Variants in SYNE2 observed in about 807,000 individuals in gnomAD.
SYNE2 encodes spectrin repeat containing nuclear envelope protein 2.
Under a neutral mutation model 856.3 loss-of-function variants are expected in SYNE2, and 431 were observed. The ratio of observed to expected loss-of-function variants is 0.50; its 90% CI spans 0.47 to 0.55. SYNE2 has a LOEUF of 0.55. SYNE2 is among the 20% of genes least tolerant of loss of function. The pLI is 0.00. For synonymous variants in SYNE2, 2,923 were observed against 2,872.3 expected, an observed-to-expected ratio of 1.02 and a Z score of -0.56; for missense variants, 8,129 against 8,023.2, an observed-to-expected ratio of 1.01 and a Z score of -0.50.
intron 45 of SYNE2, among the ~76,000 whole-genome samples, chr14:64,033,831 T>C (rs1005866659): frequency 6.6e-6 from 1 of 152,202 alleles, no homozygotes; most frequent in Non-Finnish European, 1.5e-5. Flanking sequence ...TCAGGGCAAA[T>C]GGAGGAATTG....
chr14:64,200,659 C>T (rs2098557956), intron 99 of SYNE2, among the ~76,000 whole-genome samples: 1 of 152,194 alleles, frequency 6.6e-6, no homozygotes. Flanking sequence ...GGGAACGTAT[C>T]CTTGTGGTGT....
chr14:63,985,048 G>A (rs1213743717), intron 18 of SYNE2, among the ~76,000 whole-genome samples: 1 of 152,164 alleles, frequency 6.6e-6, no homozygotes, highest in African/African-American at 2.4e-5. Flanking sequence ...CTTTCAGAAT[G>A]TATCTTTCGG....
intron 8 of SYNE2, among the ~76,000 whole-genome samples, chr14:63,957,704 C>G (rs2096258346): frequency 6.6e-6 from 1 of 152,042 alleles, no homozygotes; most frequent in Admixed American, 6.5e-5. Flanking sequence ...CCTATCTCTA[C>G]TAAAAATACA....
rs542516468 is a variant in SYNE2, at chr14:63,984,270, G to C, written c.2151+384G>C. Among the ~76,000 whole-genome samples, 5 of 152,282 alleles carry C rather than the reference G, an allele frequency of 3.3e-5. No individual in the cohort carries two copies. In the East Asian group the frequency reaches 7.7e-4, roughly 23 times the overall value. ...AAAAAAAGAAAGAAAAGATATTGTT[G>C]AGTTGGTGGTAAATGTGTGGATTGC... On this transcript the variant is annotated intron_variant, in intron 18 of 115. Transcript: ENST00000555002.
At chr14:64,161,406 A>G (rs1231485014) in intron 87 of SYNE2, among the ~76,000 whole-genome samples, 3 of 152,176 alleles carry the variant, frequency 2.0e-5, no homozygotes, top group African/African-American at 7.2e-5. Flanking sequence ...GAATAATAAA[A>G]CAATTTCCTT....
chr14:64,080,553 A>G lies in SYNE2; in HGVS notation c.11261A>G (p.Glu3754Gly), dbSNP rs1281219579. The G allele has an allele frequency of 6.2e-6, 10 of 1,614,220 alleles. No homozygotes were observed. Among genetic ancestry groups the G allele is most frequent in the Middle Eastern group, 3.3e-4 (2 of 6,062 alleles). Residue 3754 changes from glutamate (E) to glycine (G), a missense_variant, in exon 56 of 116, where the codon GAA becomes GGA. Transcript: ENST00000555002. ...GAACAGGACCCAGGACAGGCTCAAG[A>G]ATGGATGGATAACTTGATGATTCCT... ...IVEQDPGQAQ[E>G]WMDNLMIPFQ...
intron 1 of SYNE2, among the ~76,000 whole-genome samples, chr14:63,799,524 C>G (rs1414550404): frequency 3.3e-5 from 5 of 151,136 alleles, no homozygotes; most frequent in African/African-American, 1.2e-4. Context: ...AACCCCGTCT[C>G]TACTAAAAAA....
intron 1 of SYNE2, among the ~76,000 whole-genome samples, chr14:63,791,213 C>T (rs991800785): frequency 7.2e-5 from 11 of 152,064 alleles, no homozygotes; most frequent in African/African-American, 1.9e-4. Context: ...CTGCCTGTCT[C>T]GGCCTCCCAA....
intron 68 of SYNE2, 28 bp downstream of exon 68, chr14:64,121,089 G>T: frequency 6.2e-7 from 1 of 1,613,560 alleles, no homozygotes; most frequent in Non-Finnish European, 8.5e-7. Flanking sequence ...CAGTTGTAGG[G>T]ACTAGAATAT....
chr14:64,193,082 G>T (rs1364146847), intron 99 of SYNE2, among the ~76,000 whole-genome samples: 2 of 152,176 alleles, frequency 1.3e-5, no homozygotes, highest in African/African-American at 2.4e-5. Flanking sequence ...GGAAGGGAAG[G>T]GTTGGAAGCA....
At position 64,031,342 on chromosome 14, in the gene SYNE2, C is replaced by T. The variant is rs1254439970; in HGVS notation, c.7206C>T (p.Asp2402=). Residue 2402 remains aspartate (D), a synonymous_variant, in exon 45 of 116, where the codon GAC becomes GAT. Transcript: ENST00000555002. ...CTGCAGTGGAAAAGTTGGAGGAAGA[C>T]TGGGAAATAAACAAGGTAAGTGCTT... ...ESAAVEKLEE[D]WEINKDSAVE... is the part of the protein sequence containing the mutation. 6.2e-7 allele frequency: 1 copy of T among 1,613,992 alleles called. No homozygotes were observed. Among genetic ancestry groups the T allele is most frequent in the Middle Eastern group, 1.6e-4 (1 of 6,062 alleles).
At position 64,051,640 on chromosome 14, in the gene SYNE2, A is replaced by T. The variant is rs754276862; in HGVS notation, c.7727A>T (p.Asn2576Ile). 5.0e-6 allele frequency: 8 copies of T among 1,614,094 alleles called. No homozygotes were observed. Among genetic ancestry groups the T allele is most frequent in the Non-Finnish European group, 6.8e-6 (8 of 1,180,020 alleles). Residue 2576 changes from asparagine to isoleucine, a missense_variant, in exon 48 of 116, where the codon AAC (asparagine) becomes ATC (isoleucine). Coordinates refer to ENST00000555002, the MANE Select transcript of SYNE2 (RefSeq NM_182914.3). ...SIEKEKDSLG[N>I]LKIKWENLSN... is the part of the protein sequence containing the mutation. ...GAAAAAGAGAAAGATTCTTTAGGCA[A>T]CTTGAAAATCAAATGGGAGAATTTA...
intron 96 of SYNE2, among the ~76,000 whole-genome samples, chr14:64,180,321 C>T (rs1454400435): frequency 1.3e-5 from 2 of 152,146 alleles, no homozygotes; most frequent in Non-Finnish European, 2.9e-5. Flanking sequence ...GGTCTTTGAT[C>T]TTCCGTAACT....
chr14:64,224,559 C>T lies in SYNE2; in HGVS notation c.20469+12C>T. On this transcript the variant is annotated intron_variant, in intron 114 of 115. Coordinates refer to ENST00000555002, the MANE Select transcript of SYNE2 (RefSeq NM_182914.3). ...CTCCCCGAGCAAAGGTAAGAAGCCC[C>T]TTCCTTCTGTGAGAACCTCACTGGT... 1 of 1,613,990 alleles carries T rather than the reference C, an allele frequency of 6.2e-7. No individual in the cohort carries two copies. The highest frequency in any genetic ancestry group is 1.1e-5 in the South Asian group (1 of 91,076).
chr14:64,186,791 G>A (rs1184734092), intron 97 of SYNE2, among the ~76,000 whole-genome samples: 3 of 152,336 alleles, frequency 2.0e-5, no homozygotes, highest in Non-Finnish European at 2.9e-5. Flanking sequence ...AACTTTGCAC[G>A]CTTTTAATGA....
chr14:64,220,172 C>T (rs1273547987), intron 110 of SYNE2, among the ~76,000 whole-genome samples: 1 of 152,160 alleles, frequency 6.6e-6, no homozygotes, highest in Admixed American at 6.5e-5. Context: ...AACATTAAGC[C>T]AGTTGCAGAG....
At chr14:64,057,408 A>G (rs2097280921) in intron 49 of SYNE2, among the ~76,000 whole-genome samples, 1 of 152,150 alleles carries the variant, frequency 6.6e-6, no homozygotes, top group Non-Finnish European at 1.5e-5. Flanking sequence ...TTCACTTAAC[A>G]TAATGACCTC....
rs568796752 is a variant in SYNE2, at chr14:63,928,681, CTGTT to C, written c.80-11928_80-11925del. Reference sequence around the variant, plus strand: ...CCTTAATTTGTTTCTTTATTTATTTCTGTTTGTTATCTCCAAGAGAAACAATAGA... The same window carrying C: ...CCTTAATTTGTTTCTTTATTTATTTCTGTTATCTCCAAGAGAAACAATAGA... On this transcript the variant is annotated intron_variant, in intron 2 of 115. Coordinates refer to ENST00000555002, the MANE Select transcript of SYNE2 (RefSeq NM_182914.3). Among the ~76,000 whole-genome samples, 88 of 151,974 alleles carry C rather than the reference CTGTT, an allele frequency of 5.8e-4. 1 individual carries two copies. Among genetic ancestry groups the C allele is most frequent in the Non-Finnish European group, 2.1e-4 (14 of 67,952 alleles).
At chr14:64,120,660 G>A (rs1219397970) in intron 67 of SYNE2, among the ~76,000 whole-genome samples, 2 of 152,178 alleles carry the variant, frequency 1.3e-5, no homozygotes, top group African/African-American at 2.4e-5. Context: ...CTACTTGGGG[G>A]GCTGAGGCAG....
Sources: gnomAD v4.1 joint callset for allele counts (sites outside exome capture counted in the v4.1 genomes callset) on GRCh38, gnomAD v4.1.1 for gene constraint, MANE v1.5 for transcripts, NCBI Gene and HGNC (gene_info 2026-07-23, HGNC 2026-07-21) for gene names.